The following PNPT1 variants were observed in gnomAD, a reference collection of about 807,000 sequenced individuals.
PNPT1 encodes the protein polyribonucleotide nucleotidyltransferase 1, mitochondrial.
A neutral mutation model predicts 119.5 loss-of-function variants in PNPT1; 53 were observed. The observed-to-expected ratio is 0.44, with a 90% confidence interval of 0.36 to 0.56. The LOEUF is 0.56. PNPT1 is among the 20% of genes least tolerant of loss of function. The pLI is 0.00. For missense variants in PNPT1, 948 were observed against 938.5 expected (o/e 1.01, Z -0.13); for synonymous variants, 357 against 322.1 (o/e 1.11, Z -1.16).
chr2:55,644,309 G>C (rs1695922201), intron 23 of PNPT1, among the ~76,000 whole-genome samples: 1 of 152,012 alleles, frequency 6.6e-6, no homozygotes, highest in South Asian at 2.1e-4. Flanking sequence ...CTAAGTGAAA[G>C]TAGCAGAATA....
At chr2:55,649,449 A>T (rs1370691794) in intron 18 of PNPT1, among the ~76,000 whole-genome samples, 1 of 152,088 alleles carries the variant, frequency 6.6e-6, no homozygotes, top group Non-Finnish European at 1.5e-5. Flanking sequence ...AGATCTGTTT[A>T]TTTTTTTAGA....
rs1281563957 is a variant in PNPT1, at chr2:55,634,086, A to AAT, written c.*2149_*2150dup. Among the ~76,000 whole-genome samples, 11 of 152,202 alleles carry AAT rather than the reference A, an allele frequency of 7.2e-5. No homozygotes were observed. The highest frequency in any genetic ancestry group is 1.3e-4 in the Non-Finnish European group (9 of 68,030). ...TCAAGTGTAGAAAGCAAATAAATTTAATCTTTCATTTTCAATTAATCTTTA... is the reference window on the plus strand; with the variant it reads ...TCAAGTGTAGAAAGCAAATAAATTTAATATCTTTCATTTTCAATTAATCTTTA... On this transcript the variant is annotated 3_prime_UTR_variant, in exon 28 of 28. Transcript: ENST00000447944.
chr2:55,640,881 A>G (rs1695814375), intron 25 of PNPT1, among the ~76,000 whole-genome samples, 176 bp from the exon 26 acceptor site: 1 of 152,144 alleles, frequency 6.6e-6, no homozygotes, highest in Non-Finnish European at 1.5e-5. Flanking sequence ...CTATAAATAA[A>G]TATGTGTGAA....
chr2:55,668,019 T>A, intron 11 of PNPT1, 61 bp from the exon 12 acceptor site: 1 of 1,397,670 alleles, frequency 7.2e-7, no homozygotes, highest in East Asian at 2.4e-5. Context: ...AGGATTTCTC[T>A]AAAGTTCATA....
At chr2:55,642,605 CAAA>C (rs559417017) in intron 25 of PNPT1, among the ~76,000 whole-genome samples, 32 of 44,220 alleles carry the variant, frequency 7.2e-4, no homozygotes, top group African/African-American at 2.9e-3. Context: ...GACTCTGTCC[CAAA>C]AAAAAAAAAA....
intron 1 of PNPT1, among the ~76,000 whole-genome samples, chr2:55,691,501 C>G (rs1418025721): frequency 6.6e-6 from 1 of 152,112 alleles, no homozygotes; most frequent in Admixed American, 6.5e-5. Flanking sequence ...CTAGTTATTT[C>G]AACACATGAC....
At chr2:55,651,770 A>T (rs1696214417) in intron 18 of PNPT1, among the ~76,000 whole-genome samples, 1 of 116,836 alleles carries the variant, frequency 8.6e-6, no homozygotes, top group African/African-American at 2.8e-5. Flanking sequence ...AGAATGATCA[A>T]TTTAAAAAAA....
intron 4 of PNPT1, among the ~76,000 whole-genome samples, 185 bp downstream of exon 4, chr2:55,684,758 G>C (rs1697348481): frequency 6.6e-6 from 1 of 152,190 alleles, no homozygotes; most frequent in African/African-American, 2.4e-5. Flanking sequence ...CAACCCTGAA[G>C]AAATAAAAGT....
intron 8 of PNPT1, among the ~76,000 whole-genome samples, chr2:55,673,702 C>T (rs1285281810): frequency 6.6e-6 from 1 of 152,162 alleles, no homozygotes; most frequent in Non-Finnish European, 1.5e-5. Context: ...CCTGCCTCAG[C>T]CTCCCAAAGT....
chr2:55,662,594 G>A lies in PNPT1; in HGVS notation c.1177-568C>T, dbSNP rs1021905680. 1.2e-4 allele frequency among the ~76,000 whole-genome samples: 18 copies of A among 152,236 alleles called. 1 individual carries two copies. Among genetic ancestry groups the A allele is most frequent in the African/African-American group, 2.2e-4 (9 of 41,552 alleles). On this transcript the variant is annotated intron_variant, in intron 13 of 27. Coordinates refer to ENST00000447944, the MANE Select transcript of PNPT1 (RefSeq NM_033109.5). ...GGAGGCTGAGGCAGAAGAATAGCTC[G>A]AATCCAACAGGCGAGGTTGCAGTGA...
chr2:55,636,262 G>GAAAT lies in PNPT1; in HGVS notation c.2323_2326dup (p.Ser776TyrfsTer7), dbSNP rs778431551. ...TCACTGAGAATTAGATGATGACTGT[G>GAAAT]AAATAGGTTCTCCCATTACAATACT... is the stretch of plus-strand genomic sequence containing the variant. On this transcript the variant is annotated frameshift_variant, in exon 28 of 28. Transcript: ENST00000447944. LOFTEE classifies it high-confidence loss of function. The GAAAT allele has an allele frequency of 1.8e-5, 29 of 1,612,058 alleles. No individual in the cohort carries two copies. The highest frequency in any genetic ancestry group is 2.4e-5 in the Non-Finnish European group (28 of 1,178,738).
chr2:55,643,780 G>A (rs976355807), intron 23 of PNPT1, among the ~76,000 whole-genome samples: 8 of 151,840 alleles, frequency 5.3e-5, no homozygotes, highest in Admixed American at 2.0e-4. Flanking sequence ...GTGGAAACTC[G>A]TCTTAAAAAT....
At chr2:55,686,828 T>C (rs1487607790) in intron 2 of PNPT1, among the ~76,000 whole-genome samples, 8 of 152,164 alleles carry the variant, frequency 5.3e-5, no homozygotes, top group Non-Finnish European at 7.3e-5. Context: ...TTGGAAAGGA[T>C]GTTAAACGTC....
chr2:55,654,871 T>G lies in PNPT1; in HGVS notation c.1495+29A>C, dbSNP rs1056984634. On this transcript the variant is annotated intron_variant, in intron 18 of 27. Coordinates refer to ENST00000447944, the MANE Select transcript of PNPT1 (RefSeq NM_033109.5). ...CCTGGGATTACAGGCATGAGCAATA[T>G]CAGCAGTTTTGAGACATAATTCTTT... The G allele has an allele frequency of 2.5e-6, 4 of 1,605,238 alleles. No individual in the cohort carries two copies. In the African/African-American group the frequency reaches 4.0e-5, roughly 16 times the overall value.
chr2:55,636,312 C>G lies in PNPT1; in HGVS notation c.2277G>C (p.Val759=). 6.2e-7 allele frequency: 1 copy of G among 1,613,842 alleles called. No individual in the cohort carries two copies. The part of the protein sequence containing the change: ...RKVLQSPATT[V]VRTLNDRSSI... ...TACTTCTGTCATTCAAAGTTCTGAC[C>G]ACGGTTGTAGCTGGCGACTGAAGCA... The change falls in exon 28 of 28, where the codon GTG becomes GTC. Residue 759 remains valine (V), a synonymous_variant. Coordinates refer to ENST00000447944, the MANE Select transcript of PNPT1 (RefSeq NM_033109.5).
intron 25 of PNPT1, among the ~76,000 whole-genome samples, chr2:55,642,709 A>G (rs13430684): frequency 0.14 from 21,347 of 151,958 alleles, 3,055 homozygotes; most frequent in African/African-American, 0.37. Flanking sequence ...AGAAAACAAA[A>G]TATACTATAC....
chr2:55,678,818 G>A (rs900349240), intron 8 of PNPT1, among the ~76,000 whole-genome samples: 6 of 152,180 alleles, frequency 3.9e-5, no homozygotes, highest in Non-Finnish European at 7.3e-5. Flanking sequence ...CTAACTTATA[G>A]AACCTAATTT....
intron 2 of PNPT1, among the ~76,000 whole-genome samples, chr2:55,686,814 A>G (rs1262953009): frequency 1.7e-4 from 26 of 152,212 alleles, no homozygotes; most frequent in Non-Finnish European, 8.8e-5. Context: ...ACAGAAGCCC[A>G]AGTTTGGAAA....
In PNPT1 at chr2:55,672,969, T is replaced by G. The variant is rs1317258894; in HGVS notation, c.790A>C (p.Lys264Gln). ...QIIQGIQQLV[K>Q]ETGVTKRTPQ... ...GTCCTCTTGGTAACACCAGTTTCTTTTACCAACTGCTGAATGCCCTGAATT... is the reference window on the plus strand; with the variant it reads ...GTCCTCTTGGTAACACCAGTTTCTTGTACCAACTGCTGAATGCCCTGAATT... The change falls in exon 9 of 28, where the codon AAA becomes CAA. Residue 264 changes from lysine to glutamine, a missense_variant. Physicochemically the swap from Lys to Gln is moderately conservative, Grantham distance 53. Transcript: ENST00000447944. The G allele has an allele frequency of 5.6e-6, 9 of 1,613,704 alleles. No individual in the cohort carries two copies. Among genetic ancestry groups the G allele is most frequent in the African/African-American group, 1.3e-5 (1 of 75,050 alleles).
Sources: gnomAD v4.1 joint callset for allele counts (sites outside exome capture counted in the v4.1 genomes callset) on GRCh38, gnomAD v4.1.1 for gene constraint, MANE v1.5 for transcripts, NCBI Gene and HGNC (gene_info 2026-07-23, HGNC 2026-07-21) for gene names.